RANBP3: variants seen among roughly 807,000 people sequenced by gnomAD.
RANBP3 encodes the protein RAN binding protein 3.
A neutral mutation model predicts 77.3 loss-of-function variants in RANBP3; 14 were observed. That is an observed-to-expected ratio of 0.18 (90% CI 0.12 to 0.28). The LOEUF is 0.28. Among genes scored for constraint, RANBP3 ranks in the 10% least tolerant of loss-of-function variants. The pLI is 1.00. For missense variants in RANBP3, 586 were observed against 752.3 expected (o/e 0.78, Z 2.59); for synonymous variants, 315 against 312.4 (o/e 1.01, Z -0.09).
chr19:5,917,469 T>C lies in RANBP3; in HGVS notation c.*141A>G. ...CCCGAGTCTGCTTTTGAACAGGACG[T>C]GCGGGTCCAGACTGTGGCCGGCCCA... On this transcript the variant is annotated 3_prime_UTR_variant, in exon 17 of 17. Transcript: ENST00000340578. 1.1e-6 allele frequency: 1 copy of C among 914,034 alleles called. No homozygotes were observed. Among genetic ancestry groups the C allele is most frequent in the South Asian group, 1.7e-5 (1 of 58,806 alleles). 56.6% of individuals were successfully genotyped at this position (914,034 alleles called of 1,614,324 possible).
At position 5,939,870 on chromosome 19, in the gene RANBP3, A is replaced by G. The variant is rs1282364852; in HGVS notation, c.406+1751T>C. 1.3e-5 allele frequency among the ~76,000 whole-genome samples: 2 copies of G among 152,246 alleles called. 1 individual carries two copies. On this transcript the variant is annotated intron_variant, in intron 5 of 16. Coordinates refer to ENST00000340578, the MANE Select transcript of RANBP3 (RefSeq NM_007322.3). ...CACCCCCTTGTCCCTGCACCTCTGC[A>G]GGGGCAGCCGGCAGGGGAGATATCA...
intron 3 of RANBP3, among the ~76,000 whole-genome samples, chr19:5,946,253 C>T (rs1381487544): frequency 2.0e-5 from 3 of 152,332 alleles, no homozygotes; most frequent in African/African-American, 2.4e-5. Flanking sequence ...AGTTCATTCA[C>T]GCGACACCCG....
intron 5 of RANBP3, among the ~76,000 whole-genome samples, chr19:5,935,208 C>T (rs1319278421): frequency 6.6e-6 from 1 of 152,210 alleles, no homozygotes; most frequent in Non-Finnish European, 1.5e-5. Context: ...GCCCCGGAGG[C>T]GCCGCTGTGC....
chr19:5,934,625 A>G (rs573891394), intron 5 of RANBP3, among the ~76,000 whole-genome samples: 2 of 152,336 alleles, frequency 1.3e-5, no homozygotes, highest in East Asian at 1.9e-4. Context: ...CATGAGCCCA[A>G]GAGTTTGAGA....
At position 5,916,744 on chromosome 19, in the gene RANBP3, G is replaced by A. The variant is rs577598086; in HGVS notation, c.*866C>T. On this transcript the variant is annotated 3_prime_UTR_variant, in exon 17 of 17. Transcript: ENST00000340578. ...CCTGATGATGGTGAACCACGTGACA[G>A]ATGGAGACGGGAGTCAGGGGACCCT... is the stretch of plus-strand genomic sequence containing the variant. The A allele has an allele frequency of 2.0e-5, 3 of 152,572 alleles. No individual in the cohort carries two copies. The highest frequency in any genetic ancestry group is 7.2e-5 in the African/African-American group (3 of 41,590). The allele number at this position is 152,572 out of a possible 1,614,324, so 9.5% of individuals were successfully genotyped here.
At chr19:5,957,877 T>C (rs774232518) in intron 2 of RANBP3, 41 bp downstream of exon 2, 2 of 1,605,902 alleles carry the variant, frequency 1.2e-6, no homozygotes, top group East Asian at 2.2e-5. Flanking sequence ...AGAGAACAAA[T>C]TAGAGTAACG....
rs1226936698 is a variant in RANBP3, at chr19:5,978,010, C to T, written c.22+51G>A. On this transcript the variant is annotated intron_variant, in intron 1 of 16. Coordinates refer to ENST00000340578, the MANE Select transcript of RANBP3 (RefSeq NM_007322.3). Reference sequence around the variant, plus strand: ...CAAGGGCTTGTGGCCCCTAGTCCTCCCGCCGCCCGTTCCCCGGCCGCCAGC... The same window carrying T: ...CAAGGGCTTGTGGCCCCTAGTCCTCTCGCCGCCCGTTCCCCGGCCGCCAGC... 3 of 1,605,700 alleles carry T rather than the reference C, an allele frequency of 1.9e-6. No individual in the cohort carries two copies. The Admixed American group carries it at 5.1e-5, about 27-fold the overall frequency.
chr19:5,936,341 C>G (rs1453336120), intron 5 of RANBP3, among the ~76,000 whole-genome samples: 1 of 152,220 alleles, frequency 6.6e-6, no homozygotes, highest in Non-Finnish European at 1.5e-5. Context: ...CTGGCGTCAT[C>G]TCCACATGCA....
intron 9 of RANBP3, among the ~76,000 whole-genome samples, chr19:5,926,303 T>C (rs1423511169): frequency 2.0e-5 from 3 of 152,038 alleles, no homozygotes; most frequent in Non-Finnish European, 4.4e-5. Context: ...TACCAGCACT[T>C]TGGGAGGCTG....
intron 5 of RANBP3, among the ~76,000 whole-genome samples, chr19:5,939,764 C>CTG (rs2058111192): frequency 9.6e-4 from 1 of 1,042 alleles, no homozygotes; most frequent in East Asian, 0.17. Context: ...AACCCCAAGA[C>CTG]TCTTTACAGC....
At chr19:5,957,473 A>G (rs1348349152) in intron 2 of RANBP3, among the ~76,000 whole-genome samples, 7 of 152,148 alleles carry the variant, frequency 4.6e-5, no homozygotes, top group Admixed American at 4.6e-4. Context: ...GTTAGGGCCA[A>G]TAAATCCAGG....
chr19:5,917,353 T>C lies in RANBP3; in HGVS notation c.*257A>G. 1 of 528,462 alleles carries C rather than the reference T, an allele frequency of 1.9e-6. No individual in the cohort carries two copies. Among genetic ancestry groups the C allele is most frequent in the South Asian group, 2.7e-5 (1 of 37,580 alleles). 32.7% of individuals were successfully genotyped at this position (528,462 alleles called of 1,614,324 possible). On this transcript the variant is annotated 3_prime_UTR_variant, in exon 17 of 17. Coordinates refer to ENST00000340578, the MANE Select transcript of RANBP3 (RefSeq NM_007322.3). ...CCGTGACAAGTCTTAATGTGCCATT[T>C]CAATTCAAAGGAGGGGAGGGAGGAA...
At chr19:5,944,709 G>T (rs115421085) in intron 3 of RANBP3, among the ~76,000 whole-genome samples, 1 of 152,194 alleles carries the variant, frequency 6.6e-6, no homozygotes, top group African/African-American at 2.4e-5. Context: ...TGCACAGCCC[G>T]ATCTCCTCGG....
intron 1 of RANBP3, among the ~76,000 whole-genome samples, chr19:5,963,927 C>T (rs2058433574): frequency 6.6e-6 from 1 of 152,214 alleles, no homozygotes; most frequent in Non-Finnish European, 1.5e-5. Context: ...CAGCCTGAGC[C>T]CAACAATTGT....
At chr19:5,934,376 C>A (rs1387175515) in intron 5 of RANBP3, 2 of 152,206 alleles carry the variant, frequency 1.3e-5, no homozygotes, top group Non-Finnish European at 2.9e-5. Flanking sequence ...TAAGCTTCAC[C>A]CCCTTGTCAA....
chr19:5,947,395 A>G (rs2058220187), intron 3 of RANBP3, among the ~76,000 whole-genome samples: 1 of 152,130 alleles, frequency 6.6e-6, no homozygotes, highest in Non-Finnish European at 1.5e-5. Context: ...ACTCGAGCTT[A>G]GTGGGGAGGA....
In RANBP3 at chr19:5,917,631, C is replaced by T; in HGVS notation, c.1683G>A (p.Gly561=). 1.2e-6 allele frequency: 2 copies of T among 1,605,992 alleles called. No individual in the cohort carries two copies. ...GCCGCTATGTGCTCCCGGTCGTCTGCCCGTCCCCTTCGTCACCAGCACCTG... is the reference window on the plus strand; with the variant it reads ...GCCGCTATGTGCTCCCGGTCGTCTGTCCGTCCCCTTCGTCACCAGCACCTG... ...TAAGAGDEGD[G]QTTGST The change falls in exon 17 of 17, where the codon GGG becomes GGA. Residue 561 remains glycine (G), a synonymous_variant. Coordinates refer to ENST00000340578, the MANE Select transcript of RANBP3 (RefSeq NM_007322.3).
Position 5,933,373 on chromosome 19 carries a change from T to G in RANBP3, c.472+41A>C, listed in dbSNP as rs773413004. ...TGGCCTAGCAGAGGTCTGAAAAACG[T>G]CAGAGAGCCACCCCCCGCCCCAGGG... On this transcript the variant is annotated intron_variant, in intron 6 of 16. Coordinates refer to ENST00000340578, the MANE Select transcript of RANBP3 (RefSeq NM_007322.3). 43 of 1,558,946 alleles carry G rather than the reference T, an allele frequency of 2.8e-5. No individual in the cohort carries two copies. In the Admixed American group the frequency reaches 3.6e-4, roughly 13 times the overall value.
At chr19:5,939,545 G>A (rs1006611170) in intron 5 of RANBP3, among the ~76,000 whole-genome samples, 1 of 152,186 alleles carries the variant, frequency 6.6e-6, no homozygotes, top group Admixed American at 6.5e-5. Context: ...CAGATGGCTC[G>A]CAGAAGCTTG....
Sources: gnomAD v4.1 joint callset for allele counts (sites outside exome capture counted in the v4.1 genomes callset) on GRCh38, gnomAD v4.1.1 for gene constraint, MANE v1.5 for transcripts, NCBI Gene and HGNC (gene_info 2026-07-23, HGNC 2026-07-21) for gene names.